The following MYO16 variants were observed in gnomAD, a reference collection of about 807,000 sequenced individuals.
MYO16 encodes myosin XVI.
In MYO16, 94 loss-of-function variants were observed where a neutral mutation model predicts 205.3. The observed-to-expected ratio is 0.46, with a 90% CI of 0.39 to 0.54. The LOEUF (loss-of-function observed/expected upper bound fraction) is 0.54. Among genes scored for constraint, MYO16 ranks in the 20% least tolerant of loss-of-function variants. The pLI is 0.00. For missense variants in MYO16, 2,315 were observed against 2,387.5 expected (o/e 0.97, Z 0.63); for synonymous variants, 988 against 954.0 (o/e 1.04, Z -0.66).
chr13:108,885,512 G>A (rs1879826727), intron 13 of MYO16, among the ~76,000 whole-genome samples: 1 of 152,174 alleles, frequency 6.6e-6, no homozygotes, highest in South Asian at 2.1e-4. Context: ...TGCTTTGTCT[G>A]TCCAGTTTCC....
intron 10 of MYO16, among the ~76,000 whole-genome samples, chr13:108,848,853 T>C (rs1245779150): frequency 6.6e-6 from 1 of 152,156 alleles, no homozygotes; most frequent in African/African-American, 2.4e-5. Context: ...GAATCACAAA[T>C]GTTTCTTTTA....
At position 108,749,767 on chromosome 13, in the gene MYO16, G is replaced by A. The variant is rs944906263; in HGVS notation, c.507+22184G>A. ...TCTTACAATACAACCCAGCAATCATGTTCCCGGGTTTTTACACAAATGAGT... is the reference window on the plus strand; with the variant it reads ...TCTTACAATACAACCCAGCAATCATATTCCCGGGTTTTTACACAAATGAGT... On this transcript the variant is annotated intron_variant, in intron 4 of 34. Transcript: ENST00000457511. 7.9e-5 allele frequency among the ~76,000 whole-genome samples: 12 copies of A among 152,316 alleles called. No individual in the cohort carries two copies. In the East Asian group the frequency reaches 2.3e-3, roughly 29 times the overall value.
chr13:108,775,198 T>C (rs9634574), intron 4 of MYO16, among the ~76,000 whole-genome samples: 5,066 of 152,286 alleles, frequency 0.033, 250 homozygotes, highest in East Asian at 0.24. Context: ...TATTGATCCA[T>C]TTACTCAAGG....
chr13:108,860,379 A>G (rs1313060119), intron 11 of MYO16, among the ~76,000 whole-genome samples: 1 of 152,176 alleles, frequency 6.6e-6, no homozygotes, highest in Admixed American at 6.5e-5. Flanking sequence ...TATGATGCAC[A>G]TGTACCATTC....
At chr13:108,682,474 G>T (rs1417814508) in intron 2 of MYO16, among the ~76,000 whole-genome samples, 4 of 151,794 alleles carry the variant, frequency 2.6e-5, no homozygotes, top group Admixed American at 6.6e-5. Context: ...TCAGAGCCGC[G>T]GGCACACAGG....
intron 2 of MYO16, among the ~76,000 whole-genome samples, chr13:108,686,193 G>A (rs963901268): frequency 1.3e-5 from 2 of 152,162 alleles, no homozygotes; most frequent in African/African-American, 4.8e-5. Context: ...GAGCCGCCTT[G>A]ATGAGCATCC....
intron 4 of MYO16, among the ~76,000 whole-genome samples, chr13:108,747,790 A>G (rs1405186937): frequency 1.3e-5 from 2 of 152,156 alleles, no homozygotes; most frequent in East Asian, 1.9e-4. Flanking sequence ...CTTGAAAACC[A>G]CATTGAATAT....
intron 9 of MYO16, among the ~76,000 whole-genome samples, chr13:108,833,330 GCT>G (rs1184519735): frequency 1.3e-5 from 2 of 151,196 alleles, no homozygotes; most frequent in Non-Finnish European, 2.9e-5. Flanking sequence ...CTCTCCAAGA[GCT>G]CTTTCATTTA....
chr13:108,765,708 T>C (rs1885757014), intron 4 of MYO16, among the ~76,000 whole-genome samples: 1 of 152,170 alleles, frequency 6.6e-6, no homozygotes, highest in Non-Finnish European at 1.5e-5. Context: ...TTACTGTCAA[T>C]ATGTGGGGAC....
At chr13:108,894,650 A>G (rs1200670675) in intron 14 of MYO16, among the ~76,000 whole-genome samples, 1 of 152,184 alleles carries the variant, frequency 6.6e-6, no homozygotes, top group Non-Finnish European at 1.5e-5. Context: ...GAAGTGACTG[A>G]AATCTTTCTG....
chr13:109,173,913 A>AAAAAAG (rs1879035328), intron 33 of MYO16, among the ~76,000 whole-genome samples: 1 of 137,042 alleles, frequency 7.3e-6, no homozygotes, highest in Non-Finnish European at 1.6e-5. Flanking sequence ...AAAAAAAAAA[A>AAAAAAG]AGAGTATCTC....
intron 31 of MYO16, among the ~76,000 whole-genome samples, chr13:109,128,527 C>G (rs1594109178): frequency 6.6e-6 from 1 of 151,820 alleles, no homozygotes; most frequent in African/African-American, 2.4e-5. Flanking sequence ...ATGACTGACA[C>G]CAAGAAGATA....
At position 109,127,355 on chromosome 13, in the gene MYO16, G is replaced by GGCCA; in HGVS notation, c.3858_3861dup (p.Cys1288ProfsTer21). 6.2e-7 allele frequency: 1 copy of GGCCA among 1,613,576 alleles called. No homozygotes were observed. The highest frequency in any genetic ancestry group is 8.5e-7 in the Non-Finnish European group (1 of 1,179,752). ...AGTCTGCGCGGCCGTGGATGGCCTG[G>GGCCA]GCCAGTGCCTCGTTGGCCCGTCCAT... On this transcript the variant is annotated frameshift_variant, in exon 31 of 35. Coordinates refer to ENST00000457511, the MANE Select transcript of MYO16 (RefSeq NM_001198950.3). LOFTEE classifies it high-confidence loss of function. This position sits in a 1 kb window ranked among gnomAD's most constrained non-coding sequence, Gnocchi z 4.2.
chr13:108,886,457 G>C, intron 13 of MYO16: 1 of 456,198 alleles, frequency 2.2e-6, no homozygotes, highest in South Asian at 1.5e-5. Flanking sequence ...GTGCGGACAC[G>C]AGAGAGTAAG....
chr13:109,135,767 T>C (rs1055663009), intron 31 of MYO16, among the ~76,000 whole-genome samples: 3 of 152,238 alleles, frequency 2.0e-5, no homozygotes, highest in African/African-American at 7.2e-5. Context: ...TGTGAATCAA[T>C]TCATAATCCA....
chr13:108,705,011 G>T (rs1272706047), intron 2 of MYO16, among the ~76,000 whole-genome samples: 1 of 150,802 alleles, frequency 6.6e-6, no homozygotes, highest in Non-Finnish European at 1.5e-5. Flanking sequence ...AATGAAAGAA[G>T]ATACAATAGT....
intron 34 of MYO16, among the ~76,000 whole-genome samples, chr13:109,196,723 T>A (rs2139958930): frequency 6.6e-6 from 1 of 152,264 alleles, no homozygotes; most frequent in South Asian, 2.1e-4. Context: ...GTGGAATGGA[T>A]CCCTTTGTCA....
intron 33 of MYO16, among the ~76,000 whole-genome samples, chr13:109,165,398 A>T (rs1361388948): frequency 6.6e-6 from 1 of 152,198 alleles, no homozygotes; most frequent in African/African-American, 2.4e-5. Context: ...AAGAAATGTG[A>T]AGGAAAATAA....
At chr13:108,639,844 G>A (rs1880421732) in intron 1 of MYO16, among the ~76,000 whole-genome samples, 1 of 152,208 alleles carries the variant, frequency 6.6e-6, no homozygotes, top group South Asian at 2.1e-4. Flanking sequence ...TTCAGTACCA[G>A]GACCTTAAGG....
Sources: allele counts gnomAD v4.1 joint callset (sites outside exome capture counted in the v4.1 genomes callset), GRCh38; gene constraint gnomAD v4.1.1; non-coding constraint Gnocchi (gnomAD v3.1); transcripts MANE v1.5; gene names NCBI Gene and HGNC (gene_info 2026-07-23, HGNC 2026-07-21).